The following WDFY4 variants were observed in gnomAD, a reference collection of about 807,000 sequenced individuals.
WDFY4 encodes WDFY family member 4, also known as WD repeat- and FYVE domain-containing protein 4.
Under a neutral mutation model 351.9 loss-of-function variants are expected in WDFY4, and 169 were observed. The observed-to-expected ratio is 0.48, with a 90% CI of 0.42 to 0.55. WDFY4 has a LOEUF of 0.55. Ranked by LOEUF, WDFY4 falls within the 20% of genes least tolerant of loss-of-function variation. WDFY4 has a pLI of 0.00. For synonymous variants in WDFY4, 1,622 were observed against 1,574.6 expected, an observed-to-expected ratio of 1.03 and a Z score of -0.71; for missense variants, 3,803 against 3,935.6, an observed-to-expected ratio of 0.97 and a Z score of 0.90.
intron 1 of WDFY4, among the ~76,000 whole-genome samples, chr10:48,708,862 A>G (rs570032320): frequency 7.2e-5 from 11 of 152,320 alleles, no homozygotes; most frequent in Admixed American, 3.3e-4. Flanking sequence ...TGAGGAATCT[A>G]TCCTTACAGA....
intron 41 of WDFY4, among the ~76,000 whole-genome samples, chr10:48,874,568 C>A (rs2069918813): frequency 6.6e-6 from 1 of 152,032 alleles, no homozygotes; most frequent in Non-Finnish European, 1.5e-5. Context: ...TCAGTAGATA[C>A]TTAAATTTTC....
intron 17 of WDFY4, among the ~76,000 whole-genome samples, chr10:48,777,929 T>C (rs781068429): frequency 6.6e-6 from 1 of 152,240 alleles, no homozygotes; most frequent in East Asian, 1.9e-4. Context: ...TGGTGACTGA[T>C]GTAGGCTGAG....
At chr10:48,724,423 G>T (rs536457143) in intron 5 of WDFY4, among the ~76,000 whole-genome samples, 1 of 152,228 alleles carries the variant, frequency 6.6e-6, no homozygotes, top group South Asian at 2.1e-4. Context: ...TCCATTAACA[G>T]TGGGTTACCC....
intron 43 of WDFY4, among the ~76,000 whole-genome samples, chr10:48,888,585 A>G (rs1162302585): frequency 3.3e-5 from 5 of 152,076 alleles, no homozygotes; most frequent in Admixed American, 6.5e-5. Flanking sequence ...TGCAACCACA[A>G]TAAAACCCAA....
rs969399357 is a variant in WDFY4 at position 48,721,365 on chromosome 10, T to G, written c.454T>G (p.Ser152Ala). ...KSVYVLTGTDSETLGRVAESG... is the reference protein window; with the variant it reads ...KSVYVLTGTDAETLGRVAESG... ...AGTGTACGTGCTCACGGGGACAGAC[T>G]CGGTAAGTTTCAGACCATCAGCCTC... The change falls in exon 4 of 62, where the codon TCG becomes GCG. Residue 152 changes from serine to alanine, a missense_variant and splice_region_variant. Coordinates refer to ENST00000325239, the MANE Select transcript of WDFY4 (RefSeq NM_001394531.1). 7.1e-6 allele frequency: 11 copies of G among 1,551,616 alleles called. No homozygotes were observed. The highest frequency in any genetic ancestry group is 9.6e-6 in the Non-Finnish European group (11 of 1,146,936).
intron 39 of WDFY4, among the ~76,000 whole-genome samples, chr10:48,858,008 C>T (rs976706839): frequency 6.6e-6 from 1 of 152,036 alleles, no homozygotes; most frequent in East Asian, 1.9e-4. Flanking sequence ...TGGCCAGGTT[C>T]GTCTTGAACT....
chr10:48,699,251 A>G (rs891518388), intron 1 of WDFY4, among the ~76,000 whole-genome samples: 1 of 152,186 alleles, frequency 6.6e-6, no homozygotes, highest in Non-Finnish European at 1.5e-5. Context: ...GACAGCAGGC[A>G]GAGAAGGAGA....
At chr10:48,716,755 A>G (rs191333141) in intron 2 of WDFY4, among the ~76,000 whole-genome samples, 1 of 152,310 alleles carries the variant, frequency 6.6e-6, no homozygotes, top group Non-Finnish European at 1.5e-5. Context: ...GACGATATAG[A>G]TGCTTCTGAG....
chr10:48,811,399 A>C, intron 29 of WDFY4, 140 bp from the exon 30 acceptor site: 4 of 713,454 alleles, frequency 5.6e-6, no homozygotes, highest in Non-Finnish European at 9.2e-6. Flanking sequence ...TTTTGCTCCC[A>C]TCTATGTGTG....
rs186398292 is a variant in WDFY4, at chr10:48,894,127, C to G, written c.7317-3327C>G. On this transcript the variant is annotated intron_variant, in intron 44 of 61. Transcript: ENST00000325239. Reference sequence around the variant, plus strand: ...GGAATCAATAATGTACATAATTTAGCTTTTCTGAGACTTTGGGTCTTTCTG... The same window carrying G: ...GGAATCAATAATGTACATAATTTAGGTTTTCTGAGACTTTGGGTCTTTCTG... 3.9e-5 allele frequency among the ~76,000 whole-genome samples: 6 copies of G among 152,294 alleles called. No homozygotes were observed. In the East Asian group the frequency reaches 1.2e-3, roughly 29 times the overall value.
intron 58 of WDFY4, chr10:48,976,544 T>C (rs1014266017): frequency 6.8e-5 from 19 of 279,708 alleles, no homozygotes; most frequent in African/African-American, 2.4e-4. Context: ...AGCCTGAGGG[T>C]GAGCCAGGTG....
At chr10:48,721,211 A>G (rs2064076983) in intron 3 of WDFY4, 50 bp from the exon 4 acceptor site, 1 of 1,520,414 alleles carries the variant, frequency 6.6e-7, no homozygotes, top group Middle Eastern at 1.7e-4. Context: ...ATGGAGGGGA[A>G]GCTGAGTGGG....
chr10:48,707,199 T>C (rs192660519), intron 1 of WDFY4, among the ~76,000 whole-genome samples: 1 of 152,096 alleles, frequency 6.6e-6, no homozygotes, highest in Non-Finnish European at 1.5e-5. Context: ...CTTAGAGAAA[T>C]GCAAATTAAA....
At chr10:48,938,850 G>A (rs1205791131) in intron 47 of WDFY4, among the ~76,000 whole-genome samples, 2 of 152,258 alleles carry the variant, frequency 1.3e-5, no homozygotes, top group Non-Finnish European at 2.9e-5. Context: ...AAGTCATCCA[G>A]TAGAGGTGGA....
At chr10:48,751,008 G>A (rs2065164802) in intron 12 of WDFY4, among the ~76,000 whole-genome samples, 1 of 152,226 alleles carries the variant, frequency 6.6e-6, no homozygotes, top group African/African-American at 2.4e-5. Flanking sequence ...TTGGACTCTC[G>A]TGCCTGGTGT....
intron 23 of WDFY4, among the ~76,000 whole-genome samples, chr10:48,793,695 C>T (rs1367737207): frequency 1.3e-5 from 2 of 152,186 alleles, no homozygotes; most frequent in Non-Finnish European, 2.9e-5. Context: ...TTGTTTATTG[C>T]TGTACCCTAA....
rs751706400 is a variant in WDFY4, at chr10:48,959,788, G to A, written c.8198G>A (p.Arg2733Gln). 3.1e-5 allele frequency: 48 copies of A among 1,550,984 alleles called. No individual in the cohort carries two copies. Among genetic ancestry groups the A allele is most frequent in the East Asian group, 9.8e-5 (4 of 40,908 alleles). ...CCTCCCTGGGCTGATGGGGACCCTCGGAAATTCATCAGCCTGCACAGAAAG... is the reference window on the plus strand; with the variant it reads ...CCTCCCTGGGCTGATGGGGACCCTCAGAAATTCATCAGCCTGCACAGAAAG... ...QLPPWADGDPRKFISLHRKAL... is the reference protein window; with the variant it reads ...QLPPWADGDPQKFISLHRKAL... The change falls in exon 53 of 62, where the codon CGG (arginine) becomes CAG (glutamine). Residue 2733 changes from arginine to glutamine, a missense_variant. Around this residue, in one of 3 missense-constraint regions of WDFY4, gnomAD observed 3,054 missense variants for 3,148.6 expected, o/e 0.97. Coordinates refer to ENST00000325239, the MANE Select transcript of WDFY4 (RefSeq NM_001394531.1).
intron 1 of WDFY4, among the ~76,000 whole-genome samples, chr10:48,702,504 CT>C (rs1565107520): frequency 6.6e-6 from 1 of 152,176 alleles, no homozygotes; most frequent in African/African-American, 2.4e-5. Context: ...TTGGGGTTGG[CT>C]TCTGTCAGCT....
intron 13 of WDFY4, among the ~76,000 whole-genome samples, chr10:48,764,900 C>T (rs2065620133): frequency 6.6e-6 from 1 of 152,018 alleles, no homozygotes; most frequent in South Asian, 2.1e-4. Context: ...GGCCTTGGGA[C>T]ACAGGAGAGG....
Sources: allele counts gnomAD v4.1 joint callset (sites outside exome capture counted in the v4.1 genomes callset), GRCh38; gene constraint gnomAD v4.1.1; regional missense constraint gnomAD v4.1.1; transcripts MANE v1.5; gene names NCBI Gene and HGNC (gene_info 2026-07-23, HGNC 2026-07-21).